The following RAD51B variants were observed in gnomAD, a reference collection of about 807,000 sequenced individuals.
RAD51B encodes RAD51 paralog B.
A neutral mutation model predicts 42.2 loss-of-function variants in RAD51B; 38 were observed. The observed-to-expected ratio is 0.90, with a 90% CI of 0.70 to 1.18. The LOEUF (loss-of-function observed/expected upper bound fraction) is 1.18. Among genes scored for constraint, RAD51B ranks in the 50% most tolerant of loss-of-function variants. The probability of loss-of-function intolerance (pLI) is 0.00; values close to 1 mark genes in which losing one functional copy is unlikely to be tolerated. For missense variants in RAD51B, 373 were observed against 400.7 expected, an observed-to-expected ratio of 0.93 and a Z score of 0.59; for synonymous variants, 154 against 145.2, an observed-to-expected ratio of 1.06 and a Z score of -0.43.
At chr14:68,470,656 T>A (rs2086100590) in intron 10 of RAD51B, 8 of 478,640 alleles carry the variant, frequency 1.7e-5, no homozygotes, top group Admixed American at 8.7e-5. Context: ...GAAGAAAGAG[T>A]GAAGAAAAAA....
rs35454756 is a variant in RAD51B, at chr14:68,530,446, C to CAAAAAAAAAAAAAAAAAAAAA, written c.1036+62199_1036+62219dup. 5.5e-4 allele frequency among the ~76,000 whole-genome samples: 37 copies of CAAAAAAAAAAAAAAAAAAAAA among 67,842 alleles called. 1 individual carries two copies. The highest frequency in any genetic ancestry group is 8.0e-4 in the Non-Finnish European group (28 of 35,170). 44.5% of individuals were successfully genotyped at this position (67,842 alleles called of 152,430 possible). ...TGGGCAACAGAGAAAGACCCTGTCT[C>CAAAAAAAAAAAAAAAAAAAAA]AAAAAAAAAAAAAAAAAAAAAAAGA... On this transcript the variant is annotated intron_variant, in intron 10 of 10. Coordinates refer to the RAD51B transcript ENST00000487270.
downstream of RAD51B, among the ~76,000 whole-genome samples, chr14:68,598,285 T>A (rs1891083400): frequency 6.6e-6 from 1 of 152,166 alleles, no homozygotes; most frequent in African/African-American, 2.4e-5. Flanking sequence ...AGACGTCTAC[T>A]AGACACCTTG....
At chr14:68,176,229 G>A (rs1290840720) in intron 7 of RAD51B, among the ~76,000 whole-genome samples, 2 of 152,128 alleles carry the variant, frequency 1.3e-5, no homozygotes, top group South Asian at 2.1e-4. Flanking sequence ...CAAGTAACAC[G>A]TATCTATTTT....
chr14:67,824,681 C>G (rs958135948), intron 2 of RAD51B, among the ~76,000 whole-genome samples: 1 of 152,044 alleles, frequency 6.6e-6, no homozygotes, highest in Non-Finnish European at 1.5e-5. Context: ...TATTTATACT[C>G]GGAAACATTC....
intron 9 of RAD51B, among the ~76,000 whole-genome samples, chr14:68,423,966 A>G (rs1016980623): frequency 6.6e-6 from 1 of 152,210 alleles, no homozygotes; most frequent in African/African-American, 2.4e-5. Flanking sequence ...TCCAAGTACT[A>G]GCCTTTCCAG....
At position 68,510,907 on chromosome 14, in the gene RAD51B, A is replaced by C. The variant is rs369932146; in HGVS notation, c.1036+42657A>C. Among the ~76,000 whole-genome samples the C allele has an allele frequency of 6.6e-5, 10 of 152,328 alleles. No homozygotes were observed. The East Asian group carries it at 1.7e-3, about 26-fold the overall frequency. On this transcript the variant is annotated intron_variant, in intron 10 of 10. Coordinates refer to the RAD51B transcript ENST00000487270. ...CAAACCATGGCTTCCTTGAGGGAAA[A>C]GGGCCAGCTCTGGCTCTGGGCTAGG...
At chr14:68,169,025 C>G (rs1217076761) in intron 7 of RAD51B, among the ~76,000 whole-genome samples, 3 of 152,130 alleles carry the variant, frequency 2.0e-5, no homozygotes, top group Non-Finnish European at 4.4e-5. Context: ...CTGGCTCTCT[C>G]CTATTTCAGT....
intron 7 of RAD51B, among the ~76,000 whole-genome samples, chr14:68,041,456 T>C (rs548949143): frequency 6.6e-6 from 1 of 152,342 alleles, no homozygotes; most frequent in South Asian, 2.1e-4. Flanking sequence ...GATAATATTC[T>C]CAATCCTTTT....
intron 11 of RAD51B, among the ~76,000 whole-genome samples, chr14:68,679,592 G>A (rs570318681): frequency 7.0e-4 from 106 of 152,350 alleles, no homozygotes; most frequent in Middle Eastern, 6.8e-3. Context: ...CAGGTACTGT[G>A]AAAATACAGT....
intron 7 of RAD51B, among the ~76,000 whole-genome samples, chr14:67,932,642 G>A (rs114518407): frequency 6.1e-4 from 93 of 152,278 alleles, no homozygotes; most frequent in African/African-American, 2.1e-3. Flanking sequence ...AGTGGCAGCA[G>A]CAGTGAGGAG....
At chr14:68,118,978 A>G (rs2077596424) in intron 7 of RAD51B, among the ~76,000 whole-genome samples, 1 of 151,770 alleles carries the variant, frequency 6.6e-6, no homozygotes, top group African/African-American at 2.4e-5. Context: ...TTTTATTGAG[A>G]CAAAGTCTCA....
At chr14:67,979,284 A>G (rs925947661) in intron 7 of RAD51B, among the ~76,000 whole-genome samples, 1 of 152,240 alleles carries the variant, frequency 6.6e-6, no homozygotes, top group African/African-American at 2.4e-5. Flanking sequence ...AAAATATAGT[A>G]TTAAACTCTG....
rs930238068 is a variant in RAD51B, at chr14:68,526,879, C to T, written c.1036+58629C>T. The stretch of plus-strand genomic sequence containing the variant: ...TCAGCCAGGAGTGGCCCCTGGCACA[C>T]GGGACACTGCTTGCTTTGGACAGAG... On this transcript the variant is annotated intron_variant, in intron 10 of 10. Coordinates refer to the RAD51B transcript ENST00000487270. 2.6e-5 allele frequency among the ~76,000 whole-genome samples: 4 copies of T among 152,178 alleles called. No homozygotes were observed. The South Asian group carries it at 6.2e-4, about 24-fold the overall frequency.
intron 7 of RAD51B, among the ~76,000 whole-genome samples, chr14:68,283,823 G>A (rs2081365601): frequency 1.3e-5 from 2 of 152,246 alleles, no homozygotes; most frequent in Non-Finnish European, 2.9e-5. Flanking sequence ...CCTTGCATGT[G>A]CACCCCAAGA....
At chr14:68,431,702 G>A (rs1036985093) in intron 9 of RAD51B, among the ~76,000 whole-genome samples, 1 of 152,030 alleles carries the variant, frequency 6.6e-6, no homozygotes, top group Non-Finnish European at 1.5e-5. Context: ...CAAAAAACCA[G>A]CTCCTGGATT....
rs2043182853 is a variant in RAD51B at position 67,890,406 on chromosome 14, T to C, written c.756+3202T>C. The stretch of plus-strand genomic sequence containing the variant: ...ATTTTTTTTTTTCCACAGCAGAATT[T>C]TCTTTTTTTCTGAGACATACAGAAT... On this transcript the variant is annotated intron_variant, in intron 7 of 10. Transcript: ENST00000471583. Among the ~76,000 whole-genome samples the C allele has an allele frequency of 2.6e-5, 4 of 151,876 alleles. 1 individual carries two copies. In the South Asian group the frequency reaches 8.3e-4, roughly 31 times the overall value.
At chr14:68,681,435 T>A (rs1412255552) in intron 11 of RAD51B, among the ~76,000 whole-genome samples, 1 of 152,172 alleles carries the variant, frequency 6.6e-6, no homozygotes, top group Admixed American at 6.5e-5. Flanking sequence ...CAACGTACCA[T>A]GAAAACATCG....
chr14:68,244,225 A>C (rs2080448722), intron 7 of RAD51B, among the ~76,000 whole-genome samples: 1 of 152,194 alleles, frequency 6.6e-6, no homozygotes, highest in Non-Finnish European at 1.5e-5. Context: ...TCTTAACGGG[A>C]ATCCTCACTG....
intron 10 of RAD51B, among the ~76,000 whole-genome samples, chr14:68,474,842 T>G (rs1358208951): frequency 6.6e-6 from 1 of 152,354 alleles, no homozygotes; most frequent in African/African-American, 2.4e-5. Context: ...TTTGGCCAGG[T>G]GTAACTATAA....
Sources: allele counts gnomAD v4.1 joint callset (sites outside exome capture counted in the v4.1 genomes callset), GRCh38; gene constraint gnomAD v4.1.1; transcripts MANE v1.5; gene names NCBI Gene and HGNC (gene_info 2026-07-23, HGNC 2026-07-21).